The following PARN variants were observed in gnomAD, a reference collection of about 807,000 sequenced individuals.
The protein encoded by PARN is poly(A)-specific ribonuclease PARN.
PARN carries 71 observed loss-of-function variants against 102.8 expected under a neutral mutation model. The ratio of observed to expected loss-of-function variants is 0.69; its 90% CI spans 0.57 to 0.84. PARN has a LOEUF of 0.84. Ranked by LOEUF, PARN falls within the 40% of genes least tolerant of loss-of-function variation. The pLI is 0.00. For synonymous variants in PARN, 261 were observed against 252.9 expected (o/e 1.03, Z -0.30); for missense variants, 782 against 760.9 (o/e 1.03, Z -0.33).
chr16:14,610,577 A>T lies in PARN; in HGVS notation c.554+67T>A, dbSNP rs925278930. ...TATGTTTGTAAAGCACAGGTTTGAG[A>T]TATAGATGCCTGTCATCCCCAATAT... On this transcript the variant is annotated intron_variant, in intron 7 of 23. Coordinates refer to ENST00000437198, the MANE Select transcript of PARN (RefSeq NM_002582.4). 6 of 931,600 alleles carry T rather than the reference A, an allele frequency of 6.4e-6. No homozygotes were observed. The Admixed American group carries it at 1.1e-4, about 17-fold the overall frequency. The allele number at this position is 931,600 out of a possible 1,614,324, so 57.7% of individuals were successfully genotyped here.
chr16:14,523,089 A>G (rs1200977835), intron 21 of PARN, among the ~76,000 whole-genome samples: 1 of 152,190 alleles, frequency 6.6e-6, no homozygotes, highest in Non-Finnish European at 1.5e-5. Context: ...ACAAAAAAGG[A>G]AAACCTTGAC....
At position 14,584,430 on chromosome 16, in the gene PARN, C is replaced by A. The variant is rs1317212969; in HGVS notation, c.1006-8G>T. On this transcript the variant is annotated splice_polypyrimidine_tract_variant and splice_region_variant and intron_variant, in intron 15 of 23. Transcript: ENST00000437198. ...TGTGTTGTTAATGATATCCTGCAAA[C>A]CACGAAGCAAAGAATTATGAGATTT... The A allele has an allele frequency of 5.0e-6, 8 of 1,608,942 alleles. No individual in the cohort carries two copies. Among genetic ancestry groups the A allele is most frequent in the Non-Finnish European group, 6.8e-6 (8 of 1,175,944 alleles).
intron 3 of PARN, 73 bp from the exon 4 acceptor site, chr16:14,627,409 G>A (rs1387493419): frequency 2.8e-6 from 3 of 1,078,062 alleles, no homozygotes; most frequent in African/African-American, 1.6e-5. Flanking sequence ...TCTCAAACAG[G>A]TGGGCTTTCT....
intron 22 of PARN, among the ~76,000 whole-genome samples, chr16:14,450,309 G>C (rs182580923): frequency 6.6e-6 from 1 of 152,176 alleles, no homozygotes; most frequent in African/African-American, 2.4e-5. Flanking sequence ...TTCTGTAGTA[G>C]AATGAGTGAA....
intron 22 of PARN, among the ~76,000 whole-genome samples, chr16:14,448,135 C>T (rs1017484730): frequency 1.3e-5 from 2 of 151,708 alleles, no homozygotes; most frequent in African/African-American, 4.8e-5. Flanking sequence ...CAGGCACCCG[C>T]CACCATGTCT....
chr16:14,480,984 T>C (rs1211725856), intron 22 of PARN, among the ~76,000 whole-genome samples: 4 of 151,058 alleles, frequency 2.6e-5, no homozygotes, highest in African/African-American at 7.3e-5. Context: ...ACATAAAAGA[T>C]TGACGGCATG....
At chr16:14,566,016 A>C (rs1209034926) in intron 18 of PARN, among the ~76,000 whole-genome samples, 1 of 152,176 alleles carries the variant, frequency 6.6e-6, no homozygotes, top group Non-Finnish European at 1.5e-5. Context: ...GGAAATAACT[A>C]TTACCCACTT....
At chr16:14,575,714 G>A (rs1969089728) in intron 18 of PARN, among the ~76,000 whole-genome samples, 1 of 152,168 alleles carries the variant, frequency 6.6e-6, no homozygotes, top group Admixed American at 6.5e-5. Flanking sequence ...AGACTTTGGG[G>A]GACTGTTGGG....
chr16:14,617,499 A>C, intron 6 of PARN, 91 bp downstream of exon 6: 1 of 756,082 alleles, frequency 1.3e-6, no homozygotes, highest in Admixed American at 1.9e-5. Flanking sequence ...CAGCAGGCAC[A>C]AAATAATAAT....
intron 18 of PARN, among the ~76,000 whole-genome samples, chr16:14,578,259 G>A (rs1342643530): frequency 1.4e-5 from 2 of 147,974 alleles, no homozygotes; most frequent in East Asian, 2.0e-4. Flanking sequence ...AACCTAGGAG[G>A]TGGAGGTTGC....
intron 13 of PARN, among the ~76,000 whole-genome samples, chr16:14,588,874 C>A (rs2151760733): frequency 6.6e-6 from 1 of 151,496 alleles, no homozygotes; most frequent in Admixed American, 6.6e-5. Context: ...GAGTGAGACT[C>A]TGTCTCAAAA....
intron 21 of PARN, among the ~76,000 whole-genome samples, chr16:14,511,134 G>T (rs1965166551): frequency 6.6e-6 from 1 of 152,134 alleles, no homozygotes; most frequent in Admixed American, 6.5e-5. Flanking sequence ...TTATACATTA[G>T]TCTTCCCTTG....
Position 14,629,694 on chromosome 16 carries a change from A to T in PARN, c.20-20T>A. On this transcript the variant is annotated intron_variant, in intron 1 of 23. Transcript: ENST00000437198. Reference sequence around the variant, plus strand: ...TAAAATCTGCGGAGAAACCGAAAAGAGGCTCAGAACCAGTGGCCTGAATTC... The same window carrying T: ...TAAAATCTGCGGAGAAACCGAAAAGTGGCTCAGAACCAGTGGCCTGAATTC... 1 of 1,583,344 alleles carries T rather than the reference A, an allele frequency of 6.3e-7. No homozygotes were observed. The highest frequency in any genetic ancestry group is 1.1e-5 in the South Asian group (1 of 90,500).
At chr16:14,555,453 A>C (rs1413202558) in intron 19 of PARN, among the ~76,000 whole-genome samples, 1 of 152,234 alleles carries the variant, frequency 6.6e-6, no homozygotes, top group Non-Finnish European at 1.5e-5. Flanking sequence ...TTTCATGCAT[A>C]AACTGGAAAA....
chr16:14,450,315 G>A (rs1196954968), intron 22 of PARN, among the ~76,000 whole-genome samples: 1 of 152,204 alleles, frequency 6.6e-6, no homozygotes, highest in Non-Finnish European at 1.5e-5. Flanking sequence ...AGTAGAATGA[G>A]TGAAGCAATT....
At chr16:14,576,841 C>CA (rs1035494360) in intron 18 of PARN, among the ~76,000 whole-genome samples, 10 of 152,166 alleles carry the variant, frequency 6.6e-5, no homozygotes, top group African/African-American at 2.4e-4. Context: ...TGGCACCATG[C>CA]AAAACCCTTA....
chr16:14,513,255 G>T (rs984372639), intron 21 of PARN, among the ~76,000 whole-genome samples: 1 of 152,038 alleles, frequency 6.6e-6, no homozygotes, highest in Non-Finnish European at 1.5e-5. Flanking sequence ...AGCAAATAAA[G>T]TATAATTATC....
chr16:14,495,023 G>C (rs957739726), intron 21 of PARN, among the ~76,000 whole-genome samples: 1 of 152,178 alleles, frequency 6.6e-6, no homozygotes, highest in East Asian at 1.9e-4. Flanking sequence ...AGAAAGAATG[G>C]AATTGCTGAG....
intron 22 of PARN, among the ~76,000 whole-genome samples, chr16:14,457,187 G>A (rs1248923248): frequency 1.3e-5 from 2 of 152,166 alleles, no homozygotes; most frequent in African/African-American, 2.4e-5. Context: ...TCCAGTGTAT[G>A]GGCAGCTTCT....
Sources: allele counts gnomAD v4.1 joint callset (sites outside exome capture counted in the v4.1 genomes callset), GRCh38; gene constraint gnomAD v4.1.1; transcripts MANE v1.5; gene names NCBI Gene and HGNC (gene_info 2026-07-23, HGNC 2026-07-21).